Variants in MRTFB observed in about 807,000 individuals in gnomAD.
MRTFB encodes myocardin related transcription factor B.
In MRTFB, 29 loss-of-function variants were observed where a neutral mutation model predicts 104.2. That is an observed-to-expected ratio of 0.28 (90% CI 0.21 to 0.38). The LOEUF (loss-of-function observed/expected upper bound fraction) is 0.38. Ranked by LOEUF, MRTFB falls within the 10% of genes least tolerant of loss-of-function variation. The pLI is 1.00. For missense variants in MRTFB, 1,270 were observed against 1,341.6 expected, an observed-to-expected ratio of 0.95 and a Z score of 0.83; for synonymous variants, 535 against 519.5, an observed-to-expected ratio of 1.03 and a Z score of -0.41.
the MRTFB span, among the ~76,000 whole-genome samples, chr16:14,029,301 A>T: frequency 6.6e-6 from 1 of 150,650 alleles, no homozygotes; most frequent in Non-Finnish European, 1.5e-5. Flanking sequence ...GAGAGACTTT[A>T]TGCGTTAAAA....
chr16:14,069,589 A>G (rs529975731), upstream of MRTFB, among the ~76,000 whole-genome samples: 1 of 152,258 alleles, frequency 6.6e-6, no homozygotes, highest in East Asian at 1.9e-4. Flanking sequence ...GGCTCAAGAG[A>G]TCCTCTCACA....
At chr16:14,148,275 T>G (rs1480705908) in intron 3 of MRTFB, among the ~76,000 whole-genome samples, 1 of 152,150 alleles carries the variant, frequency 6.6e-6, no homozygotes, top group Non-Finnish European at 1.5e-5. Flanking sequence ...TTAGGAAAAT[T>G]AAAGTGGGGC....
At chr16:14,054,148 C>G in the MRTFB span, among the ~76,000 whole-genome samples, 1 of 152,124 alleles carries the variant, frequency 6.6e-6, no homozygotes, top group African/African-American at 2.4e-5. Flanking sequence ...GTGCTGTTCC[C>G]TCTGCTGGGG....
upstream of MRTFB, among the ~76,000 whole-genome samples, chr16:14,068,933 C>G (rs2033548577): frequency 6.6e-6 from 1 of 150,706 alleles, no homozygotes; most frequent in Admixed American, 6.6e-5. Flanking sequence ...CTTCTCCTGT[C>G]CCTCGACACC....
chr16:14,158,320 G>A (rs1003267267), intron 3 of MRTFB, among the ~76,000 whole-genome samples: 20 of 152,302 alleles, frequency 1.3e-4, no homozygotes, highest in Admixed American at 9.8e-4. Flanking sequence ...TTGGTAAATA[G>A]CAAGTTAAAC....
At chr16:14,257,427 G>C (rs189855373) in intron 15 of MRTFB, among the ~76,000 whole-genome samples, 2 of 152,242 alleles carry the variant, frequency 1.3e-5, no homozygotes, top group African/African-American at 4.8e-5. Flanking sequence ...AACTGTTCCT[G>C]AGGTACACAC....
chr16:14,200,115 G>A (rs765117428), intron 3 of MRTFB: 15 of 617,294 alleles, frequency 2.4e-5, no homozygotes, highest in Non-Finnish European at 3.6e-5. Flanking sequence ...TTTTAAGGGC[G>A]TGTTCCATTA....
chr16:14,076,578 G>C (rs1304026408), intron 1 of MRTFB, among the ~76,000 whole-genome samples: 1 of 152,186 alleles, frequency 6.6e-6, no homozygotes, highest in Non-Finnish European at 1.5e-5. Context: ...GTTGTTTCCA[G>C]TCTGAGACTC....
chr16:14,261,047 T>C lies in MRTFB; in HGVS notation c.2903T>C (p.Leu968Ser), dbSNP rs1257752967. Reference protein sequence around the residue: ...PQVQMAPPVSLEPMGSLSASL... With the variant: ...PQVQMAPPVSSEPMGSLSASL... Reference sequence around the variant, plus strand: ...GTCCAAATGGCACCACCTGTATCTTTAGAACCTATGGGCAGTTTATCTGCC... The same window carrying C: ...GTCCAAATGGCACCACCTGTATCTTCAGAACCTATGGGCAGTTTATCTGCC... The change falls in exon 17 of 17, where the codon TTA becomes TCA. Residue 968 changes from leucine to serine, a missense_variant. Around this residue, in one of 3 missense-constraint regions of MRTFB, gnomAD observed 1,144 missense variants for 1,131.5 expected, o/e 1.01. Transcript: ENST00000571589. 2 of 1,614,106 alleles carry C rather than the reference T, an allele frequency of 1.2e-6. No homozygotes were observed. The highest frequency in any genetic ancestry group is 3.3e-4 in the Middle Eastern group (2 of 6,084).
At position 14,099,741 on chromosome 16, in the gene MRTFB, C is replaced by T. The variant is rs888951681; in HGVS notation, c.-64+20387C>T. On this transcript the variant is annotated intron_variant, in intron 2 of 16. Transcript: ENST00000571589. ...GGAGTGCAGTGGCACGATCTCGGCTCACTGCAGCCTCCGCCTCCTTGGTTC... is the reference window on the plus strand; with the variant it reads ...GGAGTGCAGTGGCACGATCTCGGCTTACTGCAGCCTCCGCCTCCTTGGTTC... Among the ~76,000 whole-genome samples the T allele has an allele frequency of 1.3e-4, 20 of 151,358 alleles. No homozygotes were observed. In the East Asian group the frequency reaches 3.5e-3, roughly 27 times the overall value.
At chr16:14,127,917 ATATATATATATAT>A (rs1348587159) in intron 2 of MRTFB, among the ~76,000 whole-genome samples, 3 of 51,104 alleles carry the variant, frequency 5.9e-5, no homozygotes, top group South Asian at 2.1e-3. Flanking sequence ...ATATATATAT[ATATATATATATAT>A]TTTTTTTTTT....
chr16:14,249,012 C>G lies in MRTFB; in HGVS notation c.2334C>G (p.Ala778=). The change falls in exon 13 of 17, where the codon GCC becomes GCG. Residue 778 remains alanine, a synonymous_variant. Transcript: ENST00000571589. ...CTGCTGCCTTGGCCTCAGGCTTGGC[C>G]CCAACTGTACCTCAGACACAAGACA... ...IPTAALASGL[A]PTVPQTQDTF... The G allele has an allele frequency of 6.2e-7, 1 of 1,614,176 alleles. No homozygotes were observed. The highest frequency in any genetic ancestry group is 8.5e-7 in the Non-Finnish European group (1 of 1,180,034).
intron 3 of MRTFB, among the ~76,000 whole-genome samples, chr16:14,176,114 T>C (rs1292208658): frequency 6.6e-6 from 1 of 152,216 alleles, no homozygotes; most frequent in Non-Finnish European, 1.5e-5. Context: ...AAAATTGATT[T>C]TGAGGTGTCT....
chr16:14,195,671 A>G (rs754759609), intron 3 of MRTFB: 9 of 537,718 alleles, frequency 1.7e-5, no homozygotes, highest in African/African-American at 2.1e-5. Context: ...ACGCATTTGT[A>G]TTAAGAAACA....
chr16:14,241,014 A>G, intron 10 of MRTFB: 1 of 511,024 alleles, frequency 2.0e-6, no homozygotes, highest in East Asian at 3.2e-5. Context: ...AATTGCCTAA[A>G]CAAAGAATCT....
the MRTFB span, among the ~76,000 whole-genome samples, chr16:14,002,416 C>T: frequency 5.3e-5 from 8 of 151,674 alleles, no homozygotes; most frequent in Non-Finnish European, 7.4e-5. Context: ...AGCAAGTGTC[C>T]GGGAGGTGTT....
At chr16:14,204,429 A>G (rs2040851827) in intron 3 of MRTFB, among the ~76,000 whole-genome samples, 3 of 152,228 alleles carry the variant, frequency 2.0e-5, no homozygotes, top group Admixed American at 6.5e-5. Context: ...CACTTAAGAT[A>G]CTTTATATCT....
the MRTFB span, among the ~76,000 whole-genome samples, chr16:14,011,361 G>A: frequency 6.6e-6 from 1 of 152,216 alleles, no homozygotes; most frequent in Admixed American, 6.5e-5. Context: ...CTGTGAAAGT[G>A]GGTGAGAGGG....
intron 3 of MRTFB, among the ~76,000 whole-genome samples, chr16:14,197,654 ATATATATGG>A (rs2040499936): frequency 6.6e-6 from 1 of 152,236 alleles, no homozygotes; most frequent in African/African-American, 2.4e-5. Context: ...ATTAAAACTT[ATATATATGG>A]TAAGCATTGT....
Sources: allele counts gnomAD v4.1 joint callset (sites outside exome capture counted in the v4.1 genomes callset), GRCh38; gene constraint gnomAD v4.1.1; regional missense constraint gnomAD v4.1.1; transcripts MANE v1.5; gene names NCBI Gene and HGNC (gene_info 2026-07-23, HGNC 2026-07-21).